RANBP17: variants seen among roughly 807,000 people sequenced by gnomAD.
RANBP17 encodes the protein ran-binding protein 17.
In RANBP17, 158 loss-of-function variants were observed where a neutral mutation model predicts 141.2. The observed-to-expected ratio is 1.12, with a 90% CI of 0.98 to 1.28. The LOEUF (loss-of-function observed/expected upper bound fraction) is 1.28. RANBP17 is among the 50% of genes most tolerant of loss of function. RANBP17 has a pLI of 0.00. For missense variants in RANBP17, 1,438 were observed against 1,290.7 expected (o/e 1.11, Z -1.75); for synonymous variants, 430 against 450.0 (o/e 0.96, Z 0.56).
rs146711002 is a variant in RANBP17 at position 171,289,442 on chromosome 5, C to T, written c.2944-4441C>T. Among the ~76,000 whole-genome samples the T allele has an allele frequency of 2.0e-5, 3 of 152,280 alleles. No homozygotes were observed. The East Asian group carries it at 5.8e-4, about 29-fold the overall frequency. ...CTATTTCAGCAGGAGACAGAACAGA[C>T]GGGGTTTAAATTGGGCATTTCGGCC... On this transcript the variant is annotated intron_variant, in intron 25 of 27. Coordinates refer to ENST00000523189, the MANE Select transcript of RANBP17 (RefSeq NM_022897.5).
intron 2 of RANBP17, among the ~76,000 whole-genome samples, chr5:170,880,954 G>A (rs1173527466): frequency 6.6e-6 from 1 of 152,204 alleles, no homozygotes; most frequent in African/African-American, 2.4e-5. Context: ...AGCGCCACAT[G>A]TGGTCTCTGT....
chr5:170,929,544 A>C (rs1339606341), intron 12 of RANBP17, among the ~76,000 whole-genome samples: 1 of 152,178 alleles, frequency 6.6e-6, no homozygotes, highest in Non-Finnish European at 1.5e-5. Flanking sequence ...ATGTTAAACC[A>C]GCTTTGCATT....
rs1771177164 is a variant in RANBP17 at position 170,907,667 on chromosome 5, CAT to C, written c.490-1993_490-1992del. 3.3e-5 allele frequency among the ~76,000 whole-genome samples: 5 copies of C among 151,948 alleles called. No individual in the cohort carries two copies. The South Asian group carries it at 6.2e-4, about 19-fold the overall frequency. ...TAAAATCATCCTTTATTTCAAAACT[CAT>C]GTGTTTTAAAAAGATAAAATGTATC... is the stretch of plus-strand genomic sequence containing the variant. On this transcript the variant is annotated intron_variant, in intron 5 of 27. Transcript: ENST00000523189.
At chr5:171,010,574 T>C (rs1779964654) in intron 14 of RANBP17, among the ~76,000 whole-genome samples, 1 of 152,094 alleles carries the variant, frequency 6.6e-6, no homozygotes, top group Non-Finnish European at 1.5e-5. Context: ...GAAAAAAATC[T>C]GCAGAAAGAG....
chr5:171,139,514 A>T (rs1757548001), intron 14 of RANBP17, among the ~76,000 whole-genome samples: 1 of 152,090 alleles, frequency 6.6e-6, no homozygotes, highest in Non-Finnish European at 1.5e-5. Context: ...TTTAATTGTC[A>T]CTTGTCTTGA....
intron 21 of RANBP17, among the ~76,000 whole-genome samples, chr5:171,217,550 G>A (rs941844578): frequency 1.3e-5 from 2 of 151,978 alleles, no homozygotes; most frequent in East Asian, 1.9e-4. Context: ...TTTTTTGGTT[G>A]ATAGGCTATT....
intron 14 of RANBP17, among the ~76,000 whole-genome samples, chr5:171,023,094 A>T (rs969648794): frequency 1.3e-5 from 2 of 152,136 alleles, no homozygotes; most frequent in African/African-American, 2.4e-5. Context: ...TCTGGATCAC[A>T]CTAGTCTCCT....
chr5:171,266,342 T>C (rs1339465341), intron 25 of RANBP17, among the ~76,000 whole-genome samples: 1 of 152,198 alleles, frequency 6.6e-6, no homozygotes, highest in African/African-American at 2.4e-5. Context: ...TCAGATAGGT[T>C]AGGTAATATG....
At chr5:170,887,119 G>T (rs61033127) in intron 3 of RANBP17, among the ~76,000 whole-genome samples, 1 of 151,456 alleles carries the variant, frequency 6.6e-6, no homozygotes, top group Non-Finnish European at 1.5e-5. Flanking sequence ...TAAGGTCATC[G>T]GCCCATATTT....
intron 12 of RANBP17, among the ~76,000 whole-genome samples, chr5:170,935,742 A>C (rs1173647979): frequency 2.6e-5 from 4 of 152,178 alleles, no homozygotes; most frequent in African/African-American, 9.6e-5. Context: ...CTCGGGACTC[A>C]GGGACCCACT....
chr5:171,179,212 A>T (rs1462249924), intron 16 of RANBP17, among the ~76,000 whole-genome samples: 3 of 152,196 alleles, frequency 2.0e-5, no homozygotes, highest in Admixed American at 2.0e-4. Context: ...TTATTACCCA[A>T]ATTATCAGAA....
At chr5:171,116,088 A>T (rs969070415) in intron 14 of RANBP17, among the ~76,000 whole-genome samples, 2 of 152,200 alleles carry the variant, frequency 1.3e-5, no homozygotes, top group Non-Finnish European at 2.9e-5. Context: ...TTGTAGAGAG[A>T]ATTAAAGACA....
rs752907973 is a variant in RANBP17 at position 170,953,716 on chromosome 5, A to G, written c.1574+14A>G. On this transcript the variant is annotated intron_variant, in intron 13 of 27. Transcript: ENST00000523189. ...ATTATCCTGTCGGTAAGTAAGAGCT[A>G]TGTAATTTACTGAAATTCACTAAAT... 3 of 1,511,294 alleles carry G rather than the reference A, an allele frequency of 2.0e-6. No individual in the cohort carries two copies. Among genetic ancestry groups the G allele is most frequent in the South Asian group, 1.1e-5 (1 of 87,280 alleles). 93.6% of individuals were successfully genotyped at this position (1,511,294 alleles called of 1,614,324 possible). A position where few individuals can be genotyped will look rare whatever the true frequency, so the allele number is the denominator to read the frequency against.
At chr5:171,286,509 T>C (rs1768181531) in intron 25 of RANBP17, among the ~76,000 whole-genome samples, 1 of 152,190 alleles carries the variant, frequency 6.6e-6, no homozygotes, top group South Asian at 2.1e-4. Context: ...ATAGATAATT[T>C]TAAAATTTAA....
intron 14 of RANBP17, among the ~76,000 whole-genome samples, chr5:171,148,601 T>C (rs1462770252): frequency 1.3e-5 from 2 of 148,808 alleles, no homozygotes; most frequent in East Asian, 4.0e-4. Context: ...TCTGTATTGA[T>C]ATATATATAT....
At position 171,186,473 on chromosome 5, in the gene RANBP17, C is replaced by T. The variant is rs144076643; in HGVS notation, c.2038+3043C>T. Among the ~76,000 whole-genome samples the T allele has an allele frequency of 5.3e-4, 80 of 149,942 alleles. No individual in the cohort carries two copies. In the Middle Eastern group the frequency reaches 0.014, roughly 26 times the overall value. Reference sequence around the variant, plus strand: ...CAGCTTTCATAGAATAGAGTTAGGGCCTTGCTTCACATTAGGCTTTGGCTT... The same window carrying T: ...CAGCTTTCATAGAATAGAGTTAGGGTCTTGCTTCACATTAGGCTTTGGCTT... On this transcript the variant is annotated intron_variant, in intron 18 of 27. Coordinates refer to ENST00000523189, the MANE Select transcript of RANBP17 (RefSeq NM_022897.5).
intron 14 of RANBP17, among the ~76,000 whole-genome samples, chr5:171,025,151 A>T (rs899074646): frequency 1.3e-5 from 2 of 152,160 alleles, no homozygotes; most frequent in African/African-American, 2.4e-5. Flanking sequence ...CTATATTCCT[A>T]GTCCAAGCTG....
intron 14 of RANBP17, among the ~76,000 whole-genome samples, chr5:171,165,131 A>T (rs572365250): frequency 6.6e-6 from 1 of 152,304 alleles, no homozygotes; most frequent in African/African-American, 2.4e-5. Flanking sequence ...TCAAGCTCTG[A>T]GTTCGGGATC....
At chr5:171,118,895 C>A (rs2127770027) in intron 14 of RANBP17, among the ~76,000 whole-genome samples, 1 of 152,254 alleles carries the variant, frequency 6.6e-6, no homozygotes, top group East Asian at 1.9e-4. Flanking sequence ...TTTCTCCTTT[C>A]CAATTTATAT....
Sources: gnomAD v4.1 joint callset for allele counts (sites outside exome capture counted in the v4.1 genomes callset) on GRCh38, gnomAD v4.1.1 for gene constraint, MANE v1.5 for transcripts, NCBI Gene and HGNC (gene_info 2026-07-23, HGNC 2026-07-21) for gene names.